AMOTL1: variants seen among roughly 807,000 people sequenced by gnomAD.
The protein encoded by AMOTL1 is angiomotin-like protein 1.
In AMOTL1, 45 loss-of-function variants were observed where a neutral mutation model predicts 102.9. That is an observed-to-expected ratio of 0.44 (90% CI 0.34 to 0.56). The LOEUF is 0.56. Ranked by LOEUF, AMOTL1 falls within the 20% of genes least tolerant of loss-of-function variation. The probability of loss-of-function intolerance (pLI) is 0.01; values close to 1 mark genes in which losing one functional copy is unlikely to be tolerated. For synonymous variants in AMOTL1, 481 were observed against 484.7 expected, an observed-to-expected ratio of 0.99 and a Z score of 0.10; for missense variants, 1,114 against 1,225.6, an observed-to-expected ratio of 0.91 and a Z score of 1.36.
chr11:94,720,766 A>G (rs1950164056), intron 1 of AMOTL1, among the ~76,000 whole-genome samples: 1 of 152,114 alleles, frequency 6.6e-6, no homozygotes. Flanking sequence ...AGGTGACTAC[A>G]CAGGTGGAGT....
rs578060444 is a variant in AMOTL1, at chr11:94,723,778, C to T, written c.-50-5143C>T. ...TGTAAAAAGGTATTTTTTTTTCTCA[C>T]AGTGAATACCTAGAATGTTTTTCTA... On this transcript the variant is annotated intron_variant, in intron 1 of 4. Transcript: ENST00000299004. 2.2e-4 allele frequency among the ~76,000 whole-genome samples: 34 copies of T among 152,024 alleles called. 1 individual carries two copies. In the South Asian group the frequency reaches 7.1e-3, roughly 32 times the overall value.
At chr11:94,846,064 C>T (rs1257282063) in intron 6 of AMOTL1, among the ~76,000 whole-genome samples, 2 of 152,204 alleles carry the variant, frequency 1.3e-5, no homozygotes, top group Non-Finnish European at 2.9e-5. Context: ...CGAAGGATGA[C>T]TTCTTTGAGT....
At chr11:94,825,537 G>T (rs1335870825) in intron 4 of AMOTL1, among the ~76,000 whole-genome samples, 1 of 152,146 alleles carries the variant, frequency 6.6e-6, no homozygotes, top group Admixed American at 6.6e-5. Context: ...TTCTGTGATT[G>T]CAGGGATTCT....
At chr11:94,737,176 G>T (rs2135469792) in intron 2 of AMOTL1, among the ~76,000 whole-genome samples, 1 of 152,258 alleles carries the variant, frequency 6.6e-6, no homozygotes, top group Admixed American at 6.5e-5. Flanking sequence ...GAACAGTTTG[G>T]CAGGCTCCAG....
chr11:94,875,940 CTG>C lies in AMOTL1; in HGVS notation c.*5149_*5150del, dbSNP rs1483366189. 6.6e-6 allele frequency: 1 copy of C among 152,574 alleles called. No homozygotes were observed. Among genetic ancestry groups the C allele is most frequent in the Admixed American group, 6.5e-5 (1 of 15,274 alleles). 9.5% of individuals were successfully genotyped at this position (152,574 alleles called of 1,614,324 possible). A position where few individuals can be genotyped will look rare whatever the true frequency, so the allele number is the denominator to read the frequency against. ...AACATCTGGTAGGTATTCTGTAAAA[CTG>C]TGTTTACTTTAGTGCATGTTATTGT... On this transcript the variant is annotated 3_prime_UTR_variant, in exon 13 of 13. Transcript: ENST00000433060.
In AMOTL1 at chr11:94,859,570, C is replaced by T. The variant is rs780806065; in HGVS notation, c.1990C>T (p.Pro664Ser). 5.0e-6 allele frequency: 8 copies of T among 1,613,784 alleles called. No homozygotes were observed. Among genetic ancestry groups the T allele is most frequent in the African/African-American group, 1.3e-5 (1 of 75,028 alleles). The part of the protein sequence containing the change: ...QPANMPEYNA[P>S]ALLELVREKE... ...AGCCAACATGCCGGAATACAATGCC[C>T]CAGCCCTCCTGGAACTTGTGCGGGA... The change falls in exon 9 of 13, where the codon CCA becomes TCA. Residue 664 changes from proline to serine, a missense_variant. Pro to Ser is a moderately conservative substitution (Grantham distance 74, BLOSUM62 -1). Coordinates refer to ENST00000433060, the MANE Select transcript of AMOTL1 (RefSeq NM_130847.3).
intron 2 of AMOTL1, among the ~76,000 whole-genome samples, chr11:94,731,147 C>CT (rs1950343790): frequency 6.6e-6 from 1 of 152,174 alleles, no homozygotes; most frequent in Admixed American, 6.5e-5. Flanking sequence ...AGAGAAGGTA[C>CT]TGCTTTTGGG....
chr11:94,786,509 G>C lies in AMOTL1; in HGVS notation c.50-8502G>C, dbSNP rs556471947. Among the ~76,000 whole-genome samples the C allele has an allele frequency of 2.6e-5, 4 of 152,356 alleles. No individual in the cohort carries two copies. The South Asian group carries it at 6.2e-4, about 24-fold the overall frequency. ...TGGGGGCTGAGGAGGAGGGGAGCAC[G>C]CCTTTCTCTGAAGTGTGAGTTTGTG... On this transcript the variant is annotated intron_variant, in intron 1 of 12. Transcript: ENST00000433060.
intron 4 of AMOTL1, among the ~76,000 whole-genome samples, chr11:94,826,242 A>G (rs1170412056): frequency 6.6e-6 from 1 of 152,188 alleles, no homozygotes; most frequent in Non-Finnish European, 1.5e-5. Context: ...GCAGTGAGCC[A>G]AGATTGTGTC....
At chr11:94,858,011 G>T (rs1952701778) in intron 8 of AMOTL1, among the ~76,000 whole-genome samples, 1 of 152,088 alleles carries the variant, frequency 6.6e-6, no homozygotes, top group African/African-American at 2.4e-5. Context: ...ACCTGAATTA[G>T]GGGGGGCTAT....
chr11:94,870,865 C>A lies in AMOTL1; in HGVS notation c.*70C>A. The A allele has an allele frequency of 1.5e-6, 2 of 1,310,516 alleles. No individual in the cohort carries two copies. Among genetic ancestry groups the A allele is most frequent in the Non-Finnish European group, 2.1e-6 (2 of 953,048 alleles). 81.2% of individuals were successfully genotyped at this position (1,310,516 alleles called of 1,614,324 possible). On this transcript the variant is annotated 3_prime_UTR_variant, in exon 13 of 13. Transcript: ENST00000433060. ...GAAAGCGGCAGAGAAAGAAGAAAGA[C>A]CTAGAAGGTTGTAGATGGGAAATCA... is the stretch of plus-strand genomic sequence containing the variant.
intron 7 of AMOTL1, among the ~76,000 whole-genome samples, chr11:94,851,507 A>T (rs1463842905): frequency 6.6e-6 from 1 of 152,076 alleles, no homozygotes; most frequent in Non-Finnish European, 1.5e-5. Flanking sequence ...TTCTAATTAG[A>T]GTTTCCTTTA....
intron 1 of AMOTL1, among the ~76,000 whole-genome samples, chr11:94,781,937 G>T (rs1951121309): frequency 6.6e-6 from 1 of 152,150 alleles, no homozygotes. Context: ...CAATTAGTCA[G>T]ATACTCAGAA....
intron 3 of AMOTL1, among the ~76,000 whole-genome samples, chr11:94,748,107 G>T (rs1018861319): frequency 5.9e-5 from 9 of 152,170 alleles, no homozygotes; most frequent in South Asian, 2.1e-4. Context: ...CTTGGTCTTG[G>T]TATTATTTAG....
At chr11:94,830,947 G>T (rs1384232984) in intron 5 of AMOTL1, among the ~76,000 whole-genome samples, 1 of 152,220 alleles carries the variant, frequency 6.6e-6, no homozygotes, top group Non-Finnish European at 1.5e-5. Context: ...AATAATTAAA[G>T]ATTTACCAAG....
At chr11:94,819,722 A>T (rs1353969312) in intron 3 of AMOTL1, among the ~76,000 whole-genome samples, 4 of 152,298 alleles carry the variant, frequency 2.6e-5, no homozygotes, top group African/African-American at 9.6e-5. Context: ...CCTTGGGTAG[A>T]TGTGGTCATG....
chr11:94,770,403 G>T (rs904880589), intron 1 of AMOTL1, among the ~76,000 whole-genome samples: 3 of 152,000 alleles, frequency 2.0e-5, no homozygotes, highest in South Asian at 4.2e-4. Context: ...AAAAGGGTAG[G>T]ACATAGGTAG....
chr11:94,761,194 T>C (rs992902155), intron 3 of AMOTL1, among the ~76,000 whole-genome samples: 1 of 108,446 alleles, frequency 9.2e-6, no homozygotes, highest in Middle Eastern at 4.0e-3. Flanking sequence ...TTTTCTTTTC[T>C]TTTTTTTTTT....
At position 94,799,535 on chromosome 11, in the gene AMOTL1, C is replaced by A; in HGVS notation, c.345C>A (p.Asn115Lys). ...EQLRYGTPTE[N>K]MNLLAIQHQA... ...TGCGGTATGGCACCCCAACCGAGAA[C>A]ATGAACTTGCTGGCCATTCAGCACC... is the stretch of plus-strand genomic sequence containing the variant. Residue 115 changes from asparagine (N) to lysine (K), a missense_variant, in exon 3 of 13, where the codon AAC (asparagine) becomes AAA (lysine). By Grantham distance (94) the Asn-to-Lys change is moderately conservative. Coordinates refer to ENST00000433060, the MANE Select transcript of AMOTL1 (RefSeq NM_130847.3). The surrounding 1 kb of genome is among the most constrained non-coding windows in gnomAD (Gnocchi z 4.5). 6.2e-7 allele frequency: 1 copy of A among 1,613,810 alleles called. No homozygotes were observed. The highest frequency in any genetic ancestry group is 8.5e-7 in the Non-Finnish European group (1 of 1,179,832).
Sources: allele counts gnomAD v4.1 joint callset (sites outside exome capture counted in the v4.1 genomes callset), GRCh38; gene constraint gnomAD v4.1.1; non-coding constraint Gnocchi (gnomAD v3.1); transcripts MANE v1.5; gene names NCBI Gene and HGNC (gene_info 2026-07-23, HGNC 2026-07-21).